Variants in REPS2 observed in about 807,000 individuals in gnomAD.
REPS2 encodes the protein RALBP1 associated Eps domain containing 2, also known as ralBP1-associated Eps domain-containing protein 2.
Under a neutral mutation model 53.6 loss-of-function variants are expected in REPS2, and 23 were observed. That is an observed-to-expected ratio of 0.43 (90% CI 0.31 to 0.61). REPS2 has a LOEUF of 0.61. REPS2 is among the 20% of genes least tolerant of loss of function. The pLI, the probability that REPS2 is intolerant of heterozygous loss-of-function variation, is 0.11. For missense variants in REPS2, 446 were observed against 534.9 expected (o/e 0.83, Z 1.64); for synonymous variants, 238 against 218.6 (o/e 1.09, Z -0.78).
intron 5 of REPS2, among the ~76,000 whole-genome samples, chrX:17,034,151 G>A (rs1025215020): frequency 5.4e-5 from 6 of 111,302 alleles, no homozygotes; most frequent in Admixed American, 9.5e-5. Context: ...AGGGATGGGC[G>A]TCTGATCATT....
At chrX:17,169,577 G>A in the REPS2 span, among the ~76,000 whole-genome samples, 2 of 111,821 alleles carry the variant, frequency 1.8e-5, no homozygotes, top group African/African-American at 6.5e-5. Context: ...AGCTACTTGG[G>A]AGGCTGAGGT....
chrX:17,068,592 A>G, intron 10 of REPS2, 121 bp downstream of exon 10: 1 of 485,402 alleles, frequency 2.1e-6, no homozygotes, highest in Non-Finnish European at 3.5e-6. Flanking sequence ...ACACATTTGG[A>G]TAGACTAAGT....
chrX:16,985,402 T>C (rs757680223), intron 1 of REPS2, among the ~76,000 whole-genome samples: 1 of 112,207 alleles, frequency 8.9e-6, no homozygotes, highest in East Asian at 2.8e-4. Context: ...TCCTTTTTTC[T>C]TTCAAAACTG....
chrX:17,054,015 G>A (rs1354280930), intron 7 of REPS2, among the ~76,000 whole-genome samples: 1 of 112,286 alleles, frequency 8.9e-6, no homozygotes, highest in Non-Finnish European at 1.9e-5. Context: ...AAGTACACTT[G>A]TCCCTGTCTA....
At chrX:17,007,544 C>A (rs185694492) in intron 2 of REPS2, among the ~76,000 whole-genome samples, 3 of 112,062 alleles carry the variant, frequency 2.7e-5, no homozygotes, top group African/African-American at 6.5e-5. Flanking sequence ...GCTGCTTTAT[C>A]TTGTGGCACC....
At chrX:17,163,680 A>G in the REPS2 span, among the ~76,000 whole-genome samples, 3 of 112,470 alleles carry the variant, frequency 2.7e-5, no homozygotes, top group African/African-American at 9.7e-5. Flanking sequence ...TGACATATTC[A>G]AAGTGCTGAA....
At chrX:17,134,873 C>T (rs1054868536) in intron 15 of REPS2, among the ~76,000 whole-genome samples, 1 of 110,622 alleles carries the variant, frequency 9.0e-6, no homozygotes, top group Non-Finnish European at 1.9e-5. Flanking sequence ...CCGACCGTCT[C>T]GGCCTCCCAA....
chrX:16,970,813 T>TA (rs1419678280), intron 1 of REPS2, among the ~76,000 whole-genome samples: 1 of 112,564 alleles, frequency 8.9e-6, no homozygotes, highest in African/African-American at 3.2e-5. Flanking sequence ...TAGCGTGTTT[T>TA]AAATGTAGCA....
chrX:17,154,953 C>T (rs182954572), downstream of REPS2, among the ~76,000 whole-genome samples: 3 of 111,665 alleles, frequency 2.7e-5, no homozygotes, highest in African/African-American at 6.5e-5. Context: ...TAGGCATTTA[C>T]TAGGAAGAAG....
chrX:16,962,635 A>T (rs746485356), intron 1 of REPS2, among the ~76,000 whole-genome samples: 1 of 111,667 alleles, frequency 9.0e-6, no homozygotes, highest in South Asian at 3.7e-4. Context: ...TATATGGAAA[A>T]TGTGCTAAGA....
intron 2 of REPS2, among the ~76,000 whole-genome samples, chrX:17,009,829 T>A (rs1167265153): frequency 9.0e-6 from 1 of 111,254 alleles, no homozygotes; most frequent in Non-Finnish European, 1.9e-5. Context: ...ACATTCAAAG[T>A]CCCTACACTG....
intron 8 of REPS2, among the ~76,000 whole-genome samples, 170 bp downstream of exon 8, chrX:17,055,120 C>G (rs1169797304): frequency 5.1e-5 from 5 of 98,684 alleles, no homozygotes; most frequent in Non-Finnish European, 1.0e-4. Context: ...AGCATTTCTT[C>G]ATGTGTTTTT....
intron 14 of REPS2, among the ~76,000 whole-genome samples, chrX:17,129,891 C>G (rs774807243): frequency 8.9e-6 from 1 of 112,009 alleles, no homozygotes; most frequent in Admixed American, 9.4e-5. Flanking sequence ...AACCAACTAA[C>G]TGAAAGGCAG....
At chrX:16,970,197 CT>C (rs764611742) in intron 1 of REPS2, among the ~76,000 whole-genome samples, 285 of 98,927 alleles carry the variant, frequency 2.9e-3, no homozygotes, top group Middle Eastern at 5.1e-3. Context: ...TGTTTTCCCA[CT>C]TTTTTTTTTT....
intron 13 of REPS2, among the ~76,000 whole-genome samples, chrX:17,098,094 C>T (rs2062732358): frequency 9.0e-6 from 1 of 111,165 alleles, no homozygotes; most frequent in African/African-American, 3.3e-5. Context: ...GAAAGGAAAT[C>T]ACTTGCAGGT....
chrX:17,162,991 A>G, the REPS2 span, among the ~76,000 whole-genome samples: 1 of 112,255 alleles, frequency 8.9e-6, no homozygotes, highest in East Asian at 2.8e-4. Context: ...TATGCCCCAA[A>G]TATGGGAGTA....
chrX:17,186,295 C>A, the REPS2 span, among the ~76,000 whole-genome samples: 1 of 112,319 alleles, frequency 8.9e-6, no homozygotes, highest in African/African-American at 3.2e-5. Flanking sequence ...ATGAGTCTTT[C>A]ATTGAGGGAG....
rs145926910 is a variant in REPS2 at position 17,001,485 on chromosome X, C to T, written c.274-4736C>T. On this transcript the variant is annotated intron_variant, in intron 1 of 17. Coordinates refer to ENST00000357277, the MANE Select transcript of REPS2 (RefSeq NM_004726.3). ...ATGGGATGTTCTGAGGACAACTGGC[C>T]TGGATTCTTAAATGATTCAGTGTCA... is the stretch of plus-strand genomic sequence containing the variant. Among the ~76,000 whole-genome samples the T allele has an allele frequency of 6.1e-3, 680 of 112,195 alleles. 7 individuals carry two copies. The highest frequency in any genetic ancestry group is 0.021 in the African/African-American group (654 of 30,879).
At chrX:17,112,960 C>T (rs1265269437) in intron 14 of REPS2, among the ~76,000 whole-genome samples, 1 of 103,926 alleles carries the variant, frequency 9.6e-6, no homozygotes, top group Non-Finnish European at 2.0e-5. Context: ...GGCATGGTGG[C>T]GGGCGCCTGT....
Sources: allele counts gnomAD v4.1 joint callset (sites outside exome capture counted in the v4.1 genomes callset), GRCh38; gene constraint gnomAD v4.1.1; transcripts MANE v1.5; gene names NCBI Gene and HGNC (gene_info 2026-07-23, HGNC 2026-07-21).